The following RABGAP1 variants were observed in gnomAD, a reference collection of about 807,000 sequenced individuals.
RABGAP1 encodes the protein rab GTPase-activating protein 1.
Under a neutral mutation model 137.6 loss-of-function variants are expected in RABGAP1, and 23 were observed. The observed-to-expected ratio is 0.17, with a 90% CI of 0.12 to 0.24. RABGAP1 has a LOEUF of 0.24. Ranked by LOEUF, RABGAP1 falls within the 10% of genes least tolerant of loss-of-function variation. RABGAP1 has a pLI of 1.00. For synonymous variants in RABGAP1, 451 were observed against 450.7 expected (o/e 1.00, Z -0.01); for missense variants, 906 against 1,275.8 (o/e 0.71, Z 4.42).
chr9:123,048,017 C>T (rs2033295349), intron 13 of RABGAP1, among the ~76,000 whole-genome samples: 3 of 144,092 alleles, frequency 2.1e-5, no homozygotes, highest in South Asian at 4.5e-4. Context: ...CGGCCCACTG[C>T]GAACCTCCGC....
chr9:123,052,251 C>T (rs919234305), intron 13 of RABGAP1, among the ~76,000 whole-genome samples: 4 of 152,130 alleles, frequency 2.6e-5, no homozygotes, highest in African/African-American at 9.7e-5. Context: ...ACCTAGCTTC[C>T]CACTTTCTAG....
intron 17 of RABGAP1, among the ~76,000 whole-genome samples, chr9:123,075,714 T>C (rs953825796): frequency 6.6e-6 from 1 of 152,202 alleles, no homozygotes; most frequent in Non-Finnish European, 1.5e-5. Context: ...AGAAAACCCA[T>C]AGGAGAGTAT....
In RABGAP1 at chr9:123,073,788, T is replaced by A. The variant is rs140398205; in HGVS notation, c.2109+111T>A. On this transcript the variant is annotated intron_variant, in intron 16 of 25. Transcript: ENST00000373647. ...GGTAATTGCCTTAGCGATCCGTGGC[T>A]AAGGATGGGTTTCATTTTTATCCTT... 9.2e-4 allele frequency: 1,299 copies of A among 1,405,620 alleles called. 12 individuals are homozygous for A. The African/African-American group carries it at 0.017, about 18-fold the overall frequency. The allele number at this position is 1,405,620 out of a possible 1,614,324, so 87.1% of individuals were successfully genotyped here.
intron 14 of RABGAP1, among the ~76,000 whole-genome samples, chr9:123,069,359 A>G (rs2034279012): frequency 6.6e-6 from 1 of 152,194 alleles, no homozygotes; most frequent in African/African-American, 2.4e-5. Flanking sequence ...CGCATGCTGT[A>G]TATGAGGTGC....
chr9:123,060,176 CA>C (rs1564169048), intron 13 of RABGAP1, among the ~76,000 whole-genome samples: 1 of 152,190 alleles, frequency 6.6e-6, no homozygotes, highest in African/African-American at 2.4e-5. Context: ...AATAAACATA[CA>C]CCTTATGTGT....
Position 122,964,047 on chromosome 9 carries a change from T to C in RABGAP1, c.150+6838T>C, listed in dbSNP as rs569931929. 2.0e-5 allele frequency among the ~76,000 whole-genome samples: 3 copies of C among 152,232 alleles called. No individual in the cohort carries two copies. The South Asian group carries it at 6.2e-4, about 32-fold the overall frequency. On this transcript the variant is annotated intron_variant, in intron 2 of 25. Coordinates refer to ENST00000373647, the MANE Select transcript of RABGAP1 (RefSeq NM_012197.4). ...AAACTGATAAAATAGTCTGAACAGATCTATAACAAAGAGATTGAATTAGTA... is the reference window on the plus strand; with the variant it reads ...AAACTGATAAAATAGTCTGAACAGACCTATAACAAAGAGATTGAATTAGTA...
the RABGAP1 span, among the ~76,000 whole-genome samples, chr9:122,931,796 G>A: frequency 2.0e-5 from 3 of 152,266 alleles, no homozygotes; most frequent in Admixed American, 2.0e-4. Flanking sequence ...CGGGACCCCC[G>A]TCTCAGCGGC....
At chr9:122,972,410 G>A (rs1265659084) in intron 2 of RABGAP1, among the ~76,000 whole-genome samples, 1 of 152,210 alleles carries the variant, frequency 6.6e-6, no homozygotes, top group South Asian at 2.1e-4. Flanking sequence ...GGTGGGTCGG[G>A]TGGGGACTGG....
At chr9:123,055,062 T>C (rs2033635263) in intron 13 of RABGAP1, among the ~76,000 whole-genome samples, 1 of 152,202 alleles carries the variant, frequency 6.6e-6, no homozygotes, top group Non-Finnish European at 1.5e-5. Context: ...GGAGTTTTGC[T>C]CCCCTTCCTT....
Position 123,070,532 on chromosome 9 carries a change from A to G in RABGAP1, c.1983+108A>G, listed in dbSNP as rs1588374040. 2 of 1,517,734 alleles carry G rather than the reference A, an allele frequency of 1.3e-6. No individual in the cohort carries two copies. Among genetic ancestry groups the G allele is most frequent in the Non-Finnish European group, 1.8e-6 (2 of 1,135,720 alleles). 94.0% of individuals were successfully genotyped at this position (1,517,734 alleles called of 1,614,324 possible). A position where few individuals can be genotyped will look rare whatever the true frequency, so the allele number is the denominator to read the frequency against. The stretch of plus-strand genomic sequence containing the variant: ...TTGGGTTTGGACAGACTCTTAAGGC[A>G]TGAATTTTAACACCTATAGCTGGAA... On this transcript the variant is annotated intron_variant, in intron 15 of 25. Transcript: ENST00000373647. The surrounding 1 kb of genome is among the most constrained non-coding windows in gnomAD (Gnocchi z 4.4).
chr9:123,061,170 G>A (rs2033956632), intron 13 of RABGAP1, among the ~76,000 whole-genome samples: 1 of 152,118 alleles, frequency 6.6e-6, no homozygotes, highest in Admixed American at 6.5e-5. Flanking sequence ...CCAGGCTGGA[G>A]CACAGTGGCA....
chr9:122,968,373 C>T (rs948752295), intron 2 of RABGAP1, among the ~76,000 whole-genome samples: 2 of 151,718 alleles, frequency 1.3e-5, no homozygotes, highest in Admixed American at 1.3e-4. Context: ...TAGGCGTGCA[C>T]CACTATGCCC....
chr9:123,026,256 A>G (rs1215414701), intron 13 of RABGAP1, among the ~76,000 whole-genome samples: 2 of 152,146 alleles, frequency 1.3e-5, no homozygotes, highest in Non-Finnish European at 2.9e-5. Flanking sequence ...CCCCGGAGGC[A>G]GAGGTTGCAG....
At chr9:123,015,289 CTTTTTTTT>C (rs34492374) in intron 11 of RABGAP1, among the ~76,000 whole-genome samples, 1 of 121,694 alleles carries the variant, frequency 8.2e-6, no homozygotes, top group Non-Finnish European at 1.7e-5. Context: ...TAAATAGCTC[CTTTTTTTT>C]TTTTTTTTTT....
chr9:123,021,307 A>AG (rs2031617273), intron 13 of RABGAP1, among the ~76,000 whole-genome samples: 1 of 151,346 alleles, frequency 6.6e-6, no homozygotes, highest in African/African-American at 2.4e-5. Context: ...AAAAAAAAAA[A>AG]AACCTTATAA....
intron 19 of RABGAP1, among the ~76,000 whole-genome samples, chr9:123,079,325 C>T (rs1194300239): frequency 2.6e-5 from 4 of 150,974 alleles, no homozygotes; most frequent in East Asian, 1.9e-4. Context: ...CTGCAACCTC[C>T]GCCTCCCGGG....
rs59639446 is a variant in RABGAP1, at chr9:123,047,919, G to GTTTTTTTTTTTTTT, written c.1795-17406_1795-17393dup. On this transcript the variant is annotated intron_variant, in intron 13 of 25. Transcript: ENST00000373647. ...TATCTAGCCATTTTACAGCTGCTGG[G>GTTTTTTTTTTTTTT]TTTTTTTTTTTTTTTTTTTTTTTTT... Among the ~76,000 whole-genome samples the GTTTTTTTTTTTTTT allele has an allele frequency of 2.9e-4, 18 of 62,282 alleles. 3 individuals are homozygous for GTTTTTTTTTTTTTT. Among genetic ancestry groups the GTTTTTTTTTTTTTT allele is most frequent in the Non-Finnish European group, 4.6e-4 (13 of 28,026 alleles). The allele number at this position is 62,282 out of a possible 152,430, so 40.9% of individuals were successfully genotyped here.
intron 24 of RABGAP1, 130 bp from the exon 25 acceptor site, chr9:123,101,436 C>A: frequency 1.2e-6 from 1 of 819,298 alleles, no homozygotes; most frequent in Non-Finnish European, 1.8e-6. Context: ...TTACAAAGAG[C>A]ACAGGTTTTC....
chr9:123,096,744 A>G lies in RABGAP1; in HGVS notation c.2629-997A>G, dbSNP rs188779847. Reference sequence around the variant, plus strand: ...CCACCACGCCCGGCTAATTTTTTGTATATTTTTAGTAGAAACAGGGTTTCA... The same window carrying G: ...CCACCACGCCCGGCTAATTTTTTGTGTATTTTTAGTAGAAACAGGGTTTCA... On this transcript the variant is annotated intron_variant, in intron 21 of 25. Coordinates refer to ENST00000373647, the MANE Select transcript of RABGAP1 (RefSeq NM_012197.4). Among the ~76,000 whole-genome samples, 666 of 152,016 alleles carry G rather than the reference A, an allele frequency of 4.4e-3. 1 individual carries two copies. Among genetic ancestry groups the G allele is most frequent in the Non-Finnish European group, 6.3e-3 (425 of 67,952 alleles).
Sources: allele counts gnomAD v4.1 joint callset (sites outside exome capture counted in the v4.1 genomes callset), GRCh38; gene constraint gnomAD v4.1.1; non-coding constraint Gnocchi (gnomAD v3.1); transcripts MANE v1.5; gene names NCBI Gene and HGNC (gene_info 2026-07-23, HGNC 2026-07-21).